Variants in KIF13A observed in about 807,000 individuals in gnomAD.
KIF13A encodes the protein kinesin-like protein KIF13A.
KIF13A carries 79 observed loss-of-function variants against 212.2 expected under a neutral mutation model. The ratio of observed to expected loss-of-function variants is 0.37; its 90% CI spans 0.31 to 0.45. KIF13A has a LOEUF of 0.45. Ranked by LOEUF, KIF13A falls within the 20% of genes least tolerant of loss-of-function variation. KIF13A has a pLI of 1.00. For synonymous variants in KIF13A, 789 were observed against 808.6 expected (o/e 0.98, Z 0.41); for missense variants, 1,901 against 2,209.0 (o/e 0.86, Z 2.79).
intron 3 of KIF13A, among the ~76,000 whole-genome samples, chr6:17,885,738 A>G (rs1325543911): frequency 6.6e-6 from 1 of 152,238 alleles, no homozygotes; most frequent in South Asian, 2.1e-4. Context: ...AACAGCACAG[A>G]GCTTCCATTT....
rs898587972 is a variant in KIF13A, at chr6:17,786,196, G to C, written c.3362-555C>G. 6.6e-6 allele frequency among the ~76,000 whole-genome samples: 1 copy of C among 152,128 alleles called. No homozygotes were observed. Among genetic ancestry groups the C allele is most frequent in the African/African-American group, 2.4e-5 (1 of 41,422 alleles). ...ATGAGTCTCCTTAACCTGTCAAACA[G>C]GGATAAAAGAAGTCGTATCTACTTC... On this transcript the variant is annotated intron_variant, in intron 27 of 38. Transcript: ENST00000259711. The surrounding 1 kb of genome is among the most constrained non-coding windows in gnomAD (Gnocchi z 5.4).
At chr6:17,887,193 T>C (rs1771622764) in intron 3 of KIF13A, among the ~76,000 whole-genome samples, 3 of 152,202 alleles carry the variant, frequency 2.0e-5, no homozygotes, top group Non-Finnish European at 4.4e-5. Context: ...TTCCCCTCTG[T>C]CACAGTATTA....
intron 38 of KIF13A, among the ~76,000 whole-genome samples, chr6:17,766,697 A>C (rs1174168664): frequency 6.6e-6 from 1 of 152,034 alleles, no homozygotes; most frequent in Non-Finnish European, 1.5e-5. Context: ...TGGGATTACA[A>C]GTGTGAATCA....
intron 2 of KIF13A, among the ~76,000 whole-genome samples, chr6:17,960,950 C>A (rs1012396548): frequency 5.3e-5 from 8 of 152,120 alleles, no homozygotes; most frequent in Non-Finnish European, 1.0e-4. Context: ...CTTTCAAGAT[C>A]CACAGTAGGA....
At chr6:17,801,591 G>A (rs1762479037) in intron 20 of KIF13A, among the ~76,000 whole-genome samples, 1 of 152,210 alleles carries the variant, frequency 6.6e-6, no homozygotes, top group Non-Finnish European at 1.5e-5. Flanking sequence ...ATATGTGCGA[G>A]TTGTTATGGG....
chr6:17,928,787 A>T (rs990042636), intron 2 of KIF13A, among the ~76,000 whole-genome samples: 2 of 152,182 alleles, frequency 1.3e-5, no homozygotes, highest in African/African-American at 4.8e-5. Context: ...AAAGATGTTC[A>T]CAGAAAACAC....
At chr6:17,948,716 A>AT (rs753950133) in intron 2 of KIF13A, among the ~76,000 whole-genome samples, 8 of 151,568 alleles carry the variant, frequency 5.3e-5, no homozygotes, top group Non-Finnish European at 7.4e-5. Context: ...ACCCACCACC[A>AT]TGCCCGGCTA....
chr6:17,901,371 ATAT>A (rs779966616), intron 2 of KIF13A, among the ~76,000 whole-genome samples: 8 of 152,220 alleles, frequency 5.3e-5, no homozygotes, highest in Non-Finnish European at 1.2e-4. Flanking sequence ...TACTTATGAA[ATAT>A]TATCTTAATC....
At position 17,828,410 on chromosome 6, in the gene KIF13A, T is replaced by C. The variant is rs1765158395; in HGVS notation, c.1402-40A>G. The C allele has an allele frequency of 1.9e-6, 3 of 1,579,438 alleles. No homozygotes were observed. Among genetic ancestry groups the C allele is most frequent in the Non-Finnish European group, 2.6e-6 (3 of 1,161,034 alleles). Reference sequence around the variant, plus strand: ...TTAAGGAAAGAAAAACCCACATTTATGAGTAACTCAGCAAAAATGTATCAC... The same window carrying C: ...TTAAGGAAAGAAAAACCCACATTTACGAGTAACTCAGCAAAAATGTATCAC... On this transcript the variant is annotated intron_variant, in intron 13 of 38. Coordinates refer to ENST00000259711, the MANE Select transcript of KIF13A (RefSeq NM_022113.6). This position sits in a 1 kb window ranked among gnomAD's most constrained non-coding sequence, Gnocchi z 4.3.
At chr6:17,844,064 G>T (rs572682337) in intron 9 of KIF13A, among the ~76,000 whole-genome samples, 4 of 149,782 alleles carry the variant, frequency 2.7e-5, no homozygotes, top group Non-Finnish European at 5.9e-5. Context: ...AAAAAAGAAA[G>T]AAAGAAAGAA....
At chr6:17,913,419 A>C (rs1392171783) in intron 2 of KIF13A, among the ~76,000 whole-genome samples, 1 of 152,190 alleles carries the variant, frequency 6.6e-6, no homozygotes, top group Non-Finnish European at 1.5e-5. Flanking sequence ...GGTACTTCAA[A>C]CATTCCTTGC....
In KIF13A at chr6:17,895,866, G is replaced by A. The variant is rs145931107; in HGVS notation, c.159+2302C>T. On this transcript the variant is annotated intron_variant, in intron 3 of 38. Coordinates refer to ENST00000259711, the MANE Select transcript of KIF13A (RefSeq NM_022113.6). This position sits in a 1 kb window ranked among gnomAD's most constrained non-coding sequence, Gnocchi z 4.4. ...GTCCTAGTTGTCCTCAGTGGAAAAG[G>A]CAATGCTAATTACCTAGTTTGTCAT... 3.5e-3 allele frequency among the ~76,000 whole-genome samples: 533 copies of A among 152,254 alleles called. 2 individuals carry two copies. Among genetic ancestry groups the A allele is most frequent in the Non-Finnish European group, 6.5e-3 (440 of 68,020 alleles).
At chr6:17,939,014 G>A (rs965656266) in intron 2 of KIF13A, among the ~76,000 whole-genome samples, 2 of 152,154 alleles carry the variant, frequency 1.3e-5, no homozygotes, top group Admixed American at 6.5e-5. Context: ...ATATGCAATA[G>A]TTATGTAAGC....
chr6:17,930,569 A>C (rs1775903113), intron 2 of KIF13A, among the ~76,000 whole-genome samples: 1 of 152,252 alleles, frequency 6.6e-6, no homozygotes, highest in African/African-American at 2.4e-5. Context: ...ACAAAGGCTG[A>C]GTGGTACTGC....
Position 17,789,462 on chromosome 6 carries a change from G to T in KIF13A, c.3261+410C>A, listed in dbSNP as rs549367995. Reference sequence around the variant, plus strand: ...ATGCACTTTAGCATGGGAAAGATAAGAGTCTATCTAAAAGATTATGGATGG... The same window carrying T: ...ATGCACTTTAGCATGGGAAAGATAATAGTCTATCTAAAAGATTATGGATGG... On this transcript the variant is annotated intron_variant, in intron 26 of 38. Coordinates refer to ENST00000259711, the MANE Select transcript of KIF13A (RefSeq NM_022113.6). The surrounding 1 kb of genome is among the most constrained non-coding windows in gnomAD (Gnocchi z 4.8). 1.3e-5 allele frequency among the ~76,000 whole-genome samples: 2 copies of T among 152,272 alleles called. No individual in the cohort carries two copies. Among genetic ancestry groups the T allele is most frequent in the African/African-American group, 4.8e-5 (2 of 41,566 alleles).
intron 2 of KIF13A, among the ~76,000 whole-genome samples, chr6:17,980,220 G>A (rs1275335486): frequency 6.6e-6 from 1 of 152,130 alleles, no homozygotes; most frequent in African/African-American, 2.4e-5. Flanking sequence ...AAAGACAGTG[G>A]AATAATGTCT....
intron 2 of KIF13A, among the ~76,000 whole-genome samples, chr6:17,960,651 G>A (rs1186981520): frequency 6.6e-6 from 1 of 152,146 alleles, no homozygotes; most frequent in Admixed American, 6.6e-5. Context: ...TCTCTCAGGA[G>A]GAGGTGAGAT....
Position 17,961,346 on chromosome 6 carries a change from A to G in KIF13A, c.146+25708T>C, listed in dbSNP as rs1365284516. Among the ~76,000 whole-genome samples the G allele has an allele frequency of 6.6e-6, 1 of 152,232 alleles. No homozygotes were observed. Among genetic ancestry groups the G allele is most frequent in the Non-Finnish European group, 1.5e-5 (1 of 68,042 alleles). ...GGTAGCAACTGATGTGGGATAATAA[A>G]TAAGTTATTAAGATAGGCAATAAAT... is the stretch of plus-strand genomic sequence containing the variant. On this transcript the variant is annotated intron_variant, in intron 2 of 38. Coordinates refer to ENST00000259711, the MANE Select transcript of KIF13A (RefSeq NM_022113.6). This position sits in a 1 kb window ranked among gnomAD's most constrained non-coding sequence, Gnocchi z 4.1.
At chr6:17,792,840 G>A (rs1327138919) in intron 25 of KIF13A, among the ~76,000 whole-genome samples, 1 of 152,182 alleles carries the variant, frequency 6.6e-6, no homozygotes, top group Admixed American at 6.5e-5. Flanking sequence ...CTGAAAGCCA[G>A]GAAGCCAAAA....
Sources: gnomAD v4.1 joint callset for allele counts (sites outside exome capture counted in the v4.1 genomes callset) on GRCh38, gnomAD v4.1.1 for gene constraint, Gnocchi (gnomAD v3.1) non-coding constraint, MANE v1.5 for transcripts, NCBI Gene and HGNC (gene_info 2026-07-23, HGNC 2026-07-21) for gene names.